PTPRD: variants seen among roughly 807,000 people sequenced by gnomAD.
The protein encoded by PTPRD is protein tyrosine phosphatase receptor type D, also known as receptor-type tyrosine-protein phosphatase delta.
Under a neutral mutation model 214.5 loss-of-function variants are expected in PTPRD, and 34 were observed. The observed-to-expected ratio is 0.16, with a 90% CI of 0.12 to 0.21. PTPRD has a LOEUF of 0.21. Ranked by LOEUF, PTPRD falls within the 10% of genes least tolerant of loss-of-function variation. The pLI, the probability that PTPRD is intolerant of heterozygous loss-of-function variation, is 1.00. For synonymous variants in PTPRD, 1,128 were observed against 845.7 expected (o/e 1.33, Z -5.79); for missense variants, 2,545 against 2,398.7 (o/e 1.06, Z -1.27).
Position 8,524,907 on chromosome 9 carries a change from G to C in PTPRD, c.679+18C>G, listed in dbSNP as rs375871738. 3.7e-6 allele frequency: 6 copies of C among 1,603,186 alleles called. No individual in the cohort carries two copies. Among genetic ancestry groups the C allele is most frequent in the Non-Finnish European group, 2.6e-6 (3 of 1,170,414 alleles). On this transcript the variant is annotated intron_variant, in intron 18 of 45. Coordinates refer to ENST00000381196, the MANE Select transcript of PTPRD (RefSeq NM_002839.4). ...GAGCCTGAATGAAGAAGCGATGCCA[G>C]GGTTATGTCATTCCTACCTCTGACA...
intron 11 of PTPRD, among the ~76,000 whole-genome samples, chr9:8,883,347 G>C (rs187196138): frequency 5.3e-5 from 8 of 152,304 alleles, no homozygotes; most frequent in Middle Eastern, 3.4e-3. Context: ...GTAGAGAGAG[G>C]TGATTTCTTT....
At chr9:10,333,659 G>T (rs2096792204) in intron 3 of PTPRD, among the ~76,000 whole-genome samples, 1 of 151,748 alleles carries the variant, frequency 6.6e-6, no homozygotes, top group Admixed American at 6.6e-5. Flanking sequence ...AGTTAATTAA[G>T]GTCTGCTATT....
intron 14 of PTPRD, among the ~76,000 whole-genome samples, chr9:8,601,953 A>C (rs1438658442): frequency 6.6e-6 from 1 of 152,148 alleles, no homozygotes; most frequent in African/African-American, 2.4e-5. Flanking sequence ...AGATGAAAAT[A>C]ATTATAGGTA....
chr9:9,301,225 T>C (rs936361265), intron 9 of PTPRD, among the ~76,000 whole-genome samples: 5 of 151,922 alleles, frequency 3.3e-5, no homozygotes, highest in Non-Finnish European at 7.4e-5. Flanking sequence ...AAATAAGATA[T>C]AATTTTTGAG....
At chr9:10,220,046 T>C (rs749971643) in intron 3 of PTPRD, among the ~76,000 whole-genome samples, 4 of 151,786 alleles carry the variant, frequency 2.6e-5, no homozygotes, top group Non-Finnish European at 5.9e-5. Context: ...ACAGAATAAC[T>C]GGTTGGAAAA....
At chr9:10,251,429 G>C (rs983099664) in intron 3 of PTPRD, among the ~76,000 whole-genome samples, 1 of 151,368 alleles carries the variant, frequency 6.6e-6, no homozygotes, top group African/African-American at 2.4e-5. Context: ...TTCCTAGTGA[G>C]TAGGATTATC....
chr9:10,593,150 A>G (rs1262311638), intron 2 of PTPRD, among the ~76,000 whole-genome samples: 1 of 151,934 alleles, frequency 6.6e-6, no homozygotes, highest in Non-Finnish European at 1.5e-5. Flanking sequence ...TGGAGCAAAT[A>G]AGAAGAACAT....
chr9:9,851,525 T>C (rs1161728328), intron 5 of PTPRD, among the ~76,000 whole-genome samples: 1 of 152,258 alleles, frequency 6.6e-6, no homozygotes, highest in Non-Finnish European at 1.5e-5. Flanking sequence ...ACTATCTGCA[T>C]GATAATATTG....
At chr9:10,065,683 G>A (rs2097864743) in intron 3 of PTPRD, among the ~76,000 whole-genome samples, 2 of 151,900 alleles carry the variant, frequency 1.3e-5, no homozygotes, top group Non-Finnish European at 2.9e-5. Flanking sequence ...TGGAAGAGCT[G>A]GAAGGTTCAG....
At chr9:9,416,521 G>A (rs927849102) in intron 8 of PTPRD, among the ~76,000 whole-genome samples, 2 of 152,142 alleles carry the variant, frequency 1.3e-5, no homozygotes, top group African/African-American at 4.8e-5. Context: ...GTCAGAACAC[G>A]TCCAATTCCT....
intron 26 of PTPRD, among the ~76,000 whole-genome samples, chr9:8,495,810 T>TA (rs1365481434): frequency 6.6e-6 from 1 of 152,198 alleles, no homozygotes; most frequent in African/African-American, 2.4e-5. Flanking sequence ...TGCACACAGT[T>TA]ACAAGATTCC....
Position 9,880,442 on chromosome 9 carries a change from C to T in PTPRD, c.-368+58065G>A, listed in dbSNP as rs530833540. 2.6e-5 allele frequency among the ~76,000 whole-genome samples: 4 copies of T among 152,150 alleles called. No individual in the cohort carries two copies. In the East Asian group the frequency reaches 7.7e-4, roughly 29 times the overall value. ...GATGTTATTTACTTTTTTAGAATTT[C>T]AAAAATCAGATATCACCATTATCAC... On this transcript the variant is annotated intron_variant, in intron 5 of 45. Coordinates refer to ENST00000381196, the MANE Select transcript of PTPRD (RefSeq NM_002839.4).
intron 2 of PTPRD, among the ~76,000 whole-genome samples, chr9:10,455,360 G>A (rs1351661296): frequency 1.3e-5 from 2 of 151,602 alleles, no homozygotes; most frequent in East Asian, 3.9e-4. Context: ...CAGTGTTTTA[G>A]TTCCTTAACT....
intron 4 of PTPRD, among the ~76,000 whole-genome samples, chr9:10,030,217 C>T (rs2097029634): frequency 6.6e-6 from 1 of 151,946 alleles, no homozygotes; most frequent in East Asian, 1.9e-4. Context: ...GTGGGTTTGA[C>T]AAGGTTTTTC....
At chr9:8,319,783 G>C (rs770464477) in intron 45 of PTPRD, 48 bp downstream of exon 45, 2 of 1,608,334 alleles carry the variant, frequency 1.2e-6, no homozygotes, top group Non-Finnish European at 1.7e-6. Flanking sequence ...GTCCAGGCTA[G>C]CAAAACGTAG....
chr9:10,143,534 T>C (rs2099001874), intron 3 of PTPRD, among the ~76,000 whole-genome samples: 1 of 151,838 alleles, frequency 6.6e-6, no homozygotes, highest in African/African-American at 2.4e-5. Context: ...TGAACTGCCA[T>C]TCAACCCAGC....
chr9:10,381,519 A>C (rs912690010), intron 2 of PTPRD, among the ~76,000 whole-genome samples: 3 of 151,954 alleles, frequency 2.0e-5, no homozygotes, highest in African/African-American at 7.2e-5. Flanking sequence ...GTCCTCCCAA[A>C]ATGATTCAGA....
intron 4 of PTPRD, among the ~76,000 whole-genome samples, chr9:10,009,008 C>T (rs2096544571): frequency 6.6e-6 from 1 of 151,384 alleles, no homozygotes; most frequent in African/African-American, 2.4e-5. Flanking sequence ...TGCTTATTGA[C>T]AAATCAAACT....
At chr9:10,212,458 A>G (rs1287232981) in intron 3 of PTPRD, among the ~76,000 whole-genome samples, 2 of 152,124 alleles carry the variant, frequency 1.3e-5, no homozygotes, top group African/African-American at 4.8e-5. Flanking sequence ...ACAATATTAA[A>G]GATGAAATTT....
Sources: gnomAD v4.1 joint callset for allele counts (sites outside exome capture counted in the v4.1 genomes callset) on GRCh38, gnomAD v4.1.1 for gene constraint, MANE v1.5 for transcripts, NCBI Gene and HGNC (gene_info 2026-07-23, HGNC 2026-07-21) for gene names.